The following TMEM38B variants were observed in gnomAD, a reference collection of about 807,000 sequenced individuals.
TMEM38B encodes transmembrane protein 38B.
A neutral mutation model predicts 28.7 loss-of-function variants in TMEM38B; 24 were observed. The observed-to-expected ratio is 0.84, with a 90% CI of 0.61 to 1.18. The LOEUF is 1.18. Among genes scored for constraint, TMEM38B ranks in the 50% most tolerant of loss-of-function variants. TMEM38B has a pLI of 0.00. For synonymous variants in TMEM38B, 131 were observed against 127.7 expected (o/e 1.03, Z -0.17); for missense variants, 380 against 350.9 (o/e 1.08, Z -0.66).
chr9:105,746,836 C>T (rs1003355664), intron 4 of TMEM38B, among the ~76,000 whole-genome samples: 8 of 151,398 alleles, frequency 5.3e-5, no homozygotes, highest in African/African-American at 1.5e-4. Context: ...TTGAGATAAT[C>T]GTGGTTTTTG....
In TMEM38B at chr9:105,710,542, C is replaced by T; in HGVS notation, c.269+4789C>T. ...CCTGGGCAAACTGTATTTCAATCTG[C>T]CCTCCACAAATCCACTTTCTGTCCA... On this transcript the variant is annotated intron_variant, in intron 2 of 5. Coordinates refer to ENST00000374692, the MANE Select transcript of TMEM38B (RefSeq NM_018112.3). 2.9e-6 allele frequency: 3 copies of T among 1,051,856 alleles called. No individual in the cohort carries two copies. The South Asian group carries it at 3.8e-5, about 13-fold the overall frequency. 65.2% of individuals were successfully genotyped at this position (1,051,856 alleles called of 1,614,324 possible).
At chr9:105,711,706 G>A (rs1056586776) in intron 2 of TMEM38B, among the ~76,000 whole-genome samples, 2 of 151,608 alleles carry the variant, frequency 1.3e-5, no homozygotes, top group African/African-American at 4.9e-5. Flanking sequence ...TGTAGTCCCA[G>A]CTATTTGGAA....
At chr9:105,723,728 G>T (rs1478967982) in intron 4 of TMEM38B, among the ~76,000 whole-genome samples, 3 of 152,068 alleles carry the variant, frequency 2.0e-5, no homozygotes, top group Non-Finnish European at 4.4e-5. Context: ...ATGGGGTCTT[G>T]CTGTGTTGCC....
chr9:105,764,131 AAT>A (rs200001665), intron 5 of TMEM38B, among the ~76,000 whole-genome samples: 25,305 of 146,366 alleles, frequency 0.17, 65 homozygotes, highest in East Asian at 0.36. Flanking sequence ...TATCATACTG[AAT>A]GGGCAAAAAC....
chr9:105,748,295 A>G lies in TMEM38B; in HGVS notation c.660+105A>G. On this transcript the variant is annotated intron_variant, in intron 5 of 5. Transcript: ENST00000374692. ...GTAAGAGGAACATTTATTTATTATTATTATCTAAGAGGAATAATTTGGGGA... is the reference window on the plus strand; with the variant it reads ...GTAAGAGGAACATTTATTTATTATTGTTATCTAAGAGGAATAATTTGGGGA... 3.8e-6 allele frequency: 3 copies of G among 784,474 alleles called. No individual in the cohort carries two copies. In the South Asian group the frequency reaches 5.5e-5, roughly 14 times the overall value. The allele number at this position is 784,474 out of a possible 1,614,324, so 48.6% of individuals were successfully genotyped here. A position where few individuals can be genotyped will look rare whatever the true frequency, so the allele number is the denominator to read the frequency against.
intron 4 of TMEM38B, among the ~76,000 whole-genome samples, chr9:105,737,448 C>T (rs748324903): frequency 1.3e-5 from 2 of 152,148 alleles, no homozygotes; most frequent in African/African-American, 2.4e-5. Context: ...ATGGCAGAGG[C>T]CCAAGTTTTG....
intron 5 of TMEM38B, chr9:105,758,833 A>G: frequency 1.1e-6 from 1 of 922,460 alleles, no homozygotes; most frequent in Non-Finnish European, 1.8e-6. Context: ...ATAATCAATG[A>G]AGATCAAGAA....
chr9:105,721,771 T>G (rs549476634), intron 3 of TMEM38B, 50 bp downstream of exon 3: 1 of 1,380,162 alleles, frequency 7.2e-7, no homozygotes, highest in African/African-American at 1.4e-5. Context: ...GGTGTATTAT[T>G]AATACCATTA....
At chr9:105,712,874 T>C (rs910199066) in intron 2 of TMEM38B, among the ~76,000 whole-genome samples, 2 of 152,198 alleles carry the variant, frequency 1.3e-5, no homozygotes, top group Admixed American at 1.3e-4. Context: ...GGCTGGTTCC[T>C]GCACCGGCCA....
At chr9:105,753,381 G>A (rs570198732) in intron 5 of TMEM38B, among the ~76,000 whole-genome samples, 273 of 152,054 alleles carry the variant, frequency 1.8e-3, no homozygotes, top group Non-Finnish European at 3.1e-3. Context: ...CTCCAAGGTC[G>A]AAATGAAAGA....
intron 1 of TMEM38B, among the ~76,000 whole-genome samples, chr9:105,703,376 C>T (rs537067412): frequency 6.6e-6 from 1 of 152,282 alleles, no homozygotes; most frequent in South Asian, 2.1e-4. Flanking sequence ...AGGACATGAA[C>T]TCATCATTTT....
chr9:105,708,564 G>GC (rs1394919672), intron 2 of TMEM38B, among the ~76,000 whole-genome samples: 13 of 152,180 alleles, frequency 8.5e-5, no homozygotes, highest in African/African-American at 2.9e-4. Flanking sequence ...CAAAATACTC[G>GC]CTTTCACTTT....
At chr9:105,747,258 G>C (rs1588449976) in intron 4 of TMEM38B, among the ~76,000 whole-genome samples, 2 of 152,172 alleles carry the variant, frequency 1.3e-5, no homozygotes, top group Non-Finnish European at 2.9e-5. Context: ...TTCAGAGCCT[G>C]TTATTGGTCT....
chr9:105,719,964 C>T (rs534326021), intron 2 of TMEM38B, among the ~76,000 whole-genome samples: 209 of 152,126 alleles, frequency 1.4e-3, no homozygotes, highest in African/African-American at 4.8e-3. Context: ...ACCTAACCAA[C>T]TTCTTAGAAA....
rs1417886842 is a variant in TMEM38B, at chr9:105,711,112, GA to G, written c.269+5366del. Reference sequence around the variant, plus strand: ...GTTATATATCCATCATTTAGATTAGGAAAAAAATTGTCACTTAAATAAATCT... The same window carrying G: ...GTTATATATCCATCATTTAGATTAGGAAAAAATTGTCACTTAAATAAATCT... On this transcript the variant is annotated intron_variant, in intron 2 of 5. Transcript: ENST00000374692. 3.9e-5 allele frequency among the ~76,000 whole-genome samples: 6 copies of G among 152,190 alleles called. No individual in the cohort carries two copies. The East Asian group carries it at 9.6e-4, about 24-fold the overall frequency.
intron 4 of TMEM38B, among the ~76,000 whole-genome samples, chr9:105,744,060 T>C (rs1365262766): frequency 1.3e-5 from 2 of 152,062 alleles, no homozygotes; most frequent in African/African-American, 4.8e-5. Flanking sequence ...TTTTGCTAAG[T>C]TTAATTCCTT....
At chr9:105,741,464 A>G (rs1837201063) in intron 4 of TMEM38B, among the ~76,000 whole-genome samples, 1 of 152,222 alleles carries the variant, frequency 6.6e-6, no homozygotes, top group South Asian at 2.1e-4. Context: ...GATAATACAT[A>G]TATTGTTATA....
intron 3 of TMEM38B, 81 bp from the exon 4 acceptor site, chr9:105,722,453 G>A (rs1361891865): frequency 9.1e-7 from 1 of 1,093,690 alleles, no homozygotes; most frequent in Non-Finnish European, 1.4e-6. Context: ...GTATTATCAG[G>A]TGATAGAATT....
chr9:105,732,054 C>G (rs1390340741), intron 4 of TMEM38B, among the ~76,000 whole-genome samples: 1 of 152,116 alleles, frequency 6.6e-6, no homozygotes, highest in Non-Finnish European at 1.5e-5. Context: ...TCTCTCATGA[C>G]CAGTAGTGAT....
Sources: allele counts gnomAD v4.1 joint callset (sites outside exome capture counted in the v4.1 genomes callset), GRCh38; gene constraint gnomAD v4.1.1; transcripts MANE v1.5; gene names NCBI Gene and HGNC (gene_info 2026-07-23, HGNC 2026-07-21).